PCM1: variants seen among roughly 807,000 people sequenced by gnomAD.
PCM1 encodes the protein pericentriolar material 1, also known as pericentriolar material 1 protein.
A neutral mutation model predicts 241.9 loss-of-function variants in PCM1; 157 were observed. That is an observed-to-expected ratio of 0.65 (90% CI 0.57 to 0.74). The LOEUF (loss-of-function observed/expected upper bound fraction) is 0.74, where lower values mean the gene tolerates loss of function less well. Ranked by LOEUF, PCM1 falls within the 30% of genes least tolerant of loss-of-function variation. The pLI, the probability that PCM1 is intolerant of heterozygous loss-of-function variation, is 0.00. For synonymous variants in PCM1, 1,085 were observed against 784.9 expected, an observed-to-expected ratio of 1.38 and a Z score of -6.39; for missense variants, 3,478 against 2,360.1, an observed-to-expected ratio of 1.47 and a Z score of -9.81.
chr8:18,027,487 G>A (rs186633160), intron 38 of PCM1, 150 bp from the exon 39 acceptor site: 171 of 509,128 alleles, frequency 3.4e-4, no homozygotes, highest in Non-Finnish European at 4.4e-4. Flanking sequence ...TTTTTACTGT[G>A]TGCTATTAGG....
chr8:17,958,575 G>GTA (rs542628344), intron 13 of PCM1, among the ~76,000 whole-genome samples: 79 of 147,384 alleles, frequency 5.4e-4, no homozygotes, highest in Non-Finnish European at 9.1e-4. Context: ...AAGGTGTTGT[G>GTA]TATATATATA....
chr8:17,964,898 ACTC>A (rs1241915984), intron 18 of PCM1, 130 bp downstream of exon 18: 6 of 674,370 alleles, frequency 8.9e-6, no homozygotes, highest in African/African-American at 1.8e-5. Context: ...TACACTAACT[ACTC>A]AGAGTTAGTG....
At chr8:18,016,336 T>C (rs1424545657) in intron 36 of PCM1, among the ~76,000 whole-genome samples, 2 of 152,220 alleles carry the variant, frequency 1.3e-5, no homozygotes, top group African/African-American at 4.8e-5. Context: ...GGGACCCCTC[T>C]TTCTAGAACT....
intron 2 of PCM1, among the ~76,000 whole-genome samples, chr8:17,929,040 T>G (rs2058119489): frequency 6.6e-6 from 1 of 152,212 alleles, no homozygotes; most frequent in Non-Finnish European, 1.5e-5. Context: ...GGCTGATTCC[T>G]TAAAAATATT....
rs775895240 is a variant in PCM1 at position 17,960,312 on chromosome 8, T to C, written c.2193-3T>C. 8 of 1,591,474 alleles carry C rather than the reference T, an allele frequency of 5.0e-6. No homozygotes were observed. The South Asian group carries it at 9.3e-5, about 19-fold the overall frequency. On this transcript the variant is annotated splice_polypyrimidine_tract_variant and splice_region_variant and intron_variant, in intron 14 of 38. Coordinates refer to ENST00000325083, the MANE Select transcript of PCM1 (RefSeq NM_006197.4). ...CATAAATATAATGTCAATTTAATTGTAGAGAGAAATTTTATGAGGCTAAAC... is the reference window on the plus strand; with the variant it reads ...CATAAATATAATGTCAATTTAATTGCAGAGAGAAATTTTATGAGGCTAAAC...
At chr8:17,953,209 T>TCTTATACCCA in intron 9 of PCM1, 23 bp downstream of exon 9, 1 of 1,324,586 alleles carries the variant, frequency 7.5e-7, no homozygotes, top group Non-Finnish European at 1.1e-6. Flanking sequence ...GGTTCAGCAG[T>TCTTATACCCA]ATTGGGTATA....
chr8:17,941,518 TGA>T (rs1275877808), intron 6 of PCM1, among the ~76,000 whole-genome samples: 4 of 150,904 alleles, frequency 2.7e-5, no homozygotes, highest in Non-Finnish European at 5.9e-5. Flanking sequence ...GGATGTGGAT[TGA>T]TTTTTGTTTT....
At chr8:18,008,224 AT>A (rs2091847290) in intron 30 of PCM1, among the ~76,000 whole-genome samples, 1 of 152,100 alleles carries the variant, frequency 6.6e-6, no homozygotes, top group South Asian at 2.1e-4. Context: ...CTCCTGTCAG[AT>A]CAGCAGCAGC....
At chr8:17,956,519 G>C in intron 10 of PCM1, 85 bp from the exon 11 acceptor site, 1 of 831,654 alleles carries the variant, frequency 1.2e-6, no homozygotes, top group South Asian at 1.7e-5. Context: ...TTTTGTTTCT[G>C]TTAGCTGCTA....
intron 38 of PCM1, 22 bp downstream of exon 38, chr8:18,025,680 C>T (rs370070396): frequency 5.3e-6 from 7 of 1,328,516 alleles, no homozygotes; most frequent in Non-Finnish European, 7.3e-6. Flanking sequence ...CAATTTAAAT[C>T]TTGCCATATT....
intron 30 of PCM1, among the ~76,000 whole-genome samples, chr8:18,007,029 G>A (rs2091522767): frequency 6.6e-6 from 1 of 152,130 alleles, no homozygotes; most frequent in Non-Finnish European, 1.5e-5. Context: ...AGTATTATCT[G>A]GCCCTAAATG....
At chr8:17,993,989 A>G (rs2085699346) in intron 29 of PCM1, among the ~76,000 whole-genome samples, 1 of 152,194 alleles carries the variant, frequency 6.6e-6, no homozygotes, top group Non-Finnish European at 1.5e-5. Flanking sequence ...TAATCACATC[A>G]TGGTAAATGG....
intron 18 of PCM1, among the ~76,000 whole-genome samples, chr8:17,965,587 A>G (rs1192372612): frequency 6.6e-6 from 1 of 152,238 alleles, no homozygotes; most frequent in African/African-American, 2.4e-5. Context: ...GCCAACAAAG[A>G]TGTTATTACA....
intron 36 of PCM1, 156 bp from the exon 37 acceptor site, chr8:18,025,205 T>A (rs2094103579): frequency 6.8e-6 from 3 of 439,366 alleles, no homozygotes; most frequent in Non-Finnish European, 4.1e-6. Context: ...GATTGTAGCT[T>A]TTCCTATGAA....
intron 24 of PCM1, chr8:17,982,418 T>TACCAGGCC (rs2081181603): frequency 6.6e-6 from 1 of 152,168 alleles, no homozygotes; most frequent in Non-Finnish European, 1.5e-5. Context: ...AATATAATGA[T>TACCAGGCC]TGAATTTTGG....
chr8:17,965,998 G>A lies in PCM1; in HGVS notation c.2856-1G>A. The A allele has an allele frequency of 6.2e-7, 1 of 1,605,346 alleles. No homozygotes were observed. Among genetic ancestry groups the A allele is most frequent in the Non-Finnish European group, 8.5e-7 (1 of 1,174,772 alleles). On this transcript the variant is annotated splice_acceptor_variant, in intron 18 of 38. Transcript: ENST00000325083. LOFTEE classifies it high-confidence loss of function. ...ACTTAATGCTTTCAATCTTGTGTTA[G>A]GTGGAAGAACAATTGCCCTTTTTCG...
intron 13 of PCM1, among the ~76,000 whole-genome samples, chr8:17,958,722 GTATT>G (rs72039391): frequency 0.22 from 32,662 of 151,778 alleles, 4,187 homozygotes; most frequent in East Asian, 0.37. Context: ...GTACGTATTT[GTATT>G]TATTTATTTT....
Position 17,986,035 on chromosome 8 carries a change from T to G in PCM1, c.4358T>G (p.Ile1453Arg). The G allele has an allele frequency of 6.2e-7, 1 of 1,602,430 alleles. No homozygotes were observed. Among genetic ancestry groups the G allele is most frequent in the Non-Finnish European group, 8.5e-7 (1 of 1,171,986 alleles). Reference sequence around the variant, plus strand: ...AAGTCAGTAAACTCTGGTACTTGGATAGCATCAAACTCAGAACTTACTCCT... The same window carrying G: ...AAGTCAGTAAACTCTGGTACTTGGAGAGCATCAAACTCAGAACTTACTCCT... ...NVKSVNSGTW[I>R]ASNSELTPSE... Residue 1453 changes from isoleucine to arginine, a missense_variant, in exon 26 of 39, where the codon ATA becomes AGA. Transcript: ENST00000325083.
intron 23 of PCM1, among the ~76,000 whole-genome samples, chr8:17,972,951 T>G (rs1034122082): frequency 6.6e-6 from 1 of 152,176 alleles, no homozygotes; most frequent in Non-Finnish European, 1.5e-5. Context: ...TGTAGATTAT[T>G]GAAAAATTGC....
Sources: gnomAD v4.1 joint callset for allele counts (sites outside exome capture counted in the v4.1 genomes callset) on GRCh38, gnomAD v4.1.1 for gene constraint, MANE v1.5 for transcripts, NCBI Gene and HGNC (gene_info 2026-07-23, HGNC 2026-07-21) for gene names.